The following GCNT2 variants were observed in gnomAD, a reference collection of about 807,000 sequenced individuals.
The protein encoded by GCNT2 is glucosaminyl (N-acetyl) transferase 2 (I blood group).
GCNT2 carries 34 observed loss-of-function variants against 34.2 expected under a neutral mutation model. That is an observed-to-expected ratio of 1.00 (90% CI 0.76 to 1.32). The LOEUF (loss-of-function observed/expected upper bound fraction) is 1.32, where lower values mean the gene tolerates loss of function less well. GCNT2 is among the 40% of genes most tolerant of loss of function. The pLI, the probability that GCNT2 is intolerant of heterozygous loss-of-function variation, is 0.00. For missense variants in GCNT2, 584 were observed against 489.4 expected (o/e 1.19, Z -1.82); for synonymous variants, 212 against 188.0 (o/e 1.13, Z -1.04).
chr6:10,586,248 C>T, intron 3 of GCNT2: 1 of 1,614,202 alleles, frequency 6.2e-7, no homozygotes, highest in East Asian at 2.2e-5. Flanking sequence ...CATCACAAGT[C>T]CCCTGTCGGA....
chr6:10,548,735 G>T (rs1762364920), intron 3 of GCNT2, among the ~76,000 whole-genome samples: 1 of 151,750 alleles, frequency 6.6e-6, no homozygotes, highest in South Asian at 2.1e-4. Context: ...TCTCATTGTT[G>T]CATAGAGAGA....
chr6:10,552,813 G>A (rs1268433249), intron 3 of GCNT2, among the ~76,000 whole-genome samples: 2 of 152,066 alleles, frequency 1.3e-5, no homozygotes, highest in African/African-American at 4.8e-5. Flanking sequence ...ACAAATCTCT[G>A]TATTTTATAA....
intron 3 of GCNT2, chr6:10,581,801 C>T (rs1421381879): frequency 1.0e-6 from 1 of 984,986 alleles, no homozygotes; most frequent in Non-Finnish European, 1.2e-6. Flanking sequence ...CAACTTTCCC[C>T]TTCTGTTCTC....
chr6:10,541,179 C>G (rs916226206), intron 3 of GCNT2, among the ~76,000 whole-genome samples: 1 of 152,082 alleles, frequency 6.6e-6, no homozygotes. Flanking sequence ...GCCAACGCCC[C>G]CCACCAGCCC....
chr6:10,562,137 T>TAAA (rs925264172), intron 3 of GCNT2, among the ~76,000 whole-genome samples: 1 of 152,096 alleles, frequency 6.6e-6, no homozygotes, highest in Non-Finnish European at 1.5e-5. Context: ...GACCCTTTCT[T>TAAA]GCTAGGTCAT....
At chr6:10,602,183 T>C (rs1765118399) in intron 3 of GCNT2, among the ~76,000 whole-genome samples, 1 of 152,196 alleles carries the variant, frequency 6.6e-6, no homozygotes, top group African/African-American at 2.4e-5. Flanking sequence ...TATAATCCTA[T>C]ATACAGAAAA....
intron 3 of GCNT2, among the ~76,000 whole-genome samples, chr6:10,562,984 C>A (rs1248411926): frequency 2.6e-5 from 4 of 152,062 alleles, no homozygotes; most frequent in African/African-American, 7.2e-5. Context: ...CATGGTGAAA[C>A]CCTACCTCTA....
At chr6:10,531,432 T>C (rs1761481955) in intron 3 of GCNT2, among the ~76,000 whole-genome samples, 1 of 152,188 alleles carries the variant, frequency 6.6e-6, no homozygotes, top group Non-Finnish European at 1.5e-5. Context: ...CACATTACGA[T>C]CATCTGGGGC....
At position 10,566,987 on chromosome 6, in the gene GCNT2, ACTT is replaced by A. The variant is rs1302480466; in HGVS notation, c.925+37156_925+37158del. Among the ~76,000 whole-genome samples, 2 of 152,272 alleles carry A rather than the reference ACTT, an allele frequency of 1.3e-5. 1 individual carries two copies. The highest frequency in any genetic ancestry group is 6.8e-3 in the Middle Eastern group (2 of 294). The stretch of plus-strand genomic sequence containing the variant: ...TAACATAGCTCGTCTGCTCAAACGA[ACTT>A]CTTCATCTAGTGCTCATTAGAAGAA... On this transcript the variant is annotated intron_variant, in intron 3 of 4. Transcript: ENST00000495262.
chr6:10,539,730 C>CA (rs1761952336), intron 3 of GCNT2, among the ~76,000 whole-genome samples: 1 of 151,530 alleles, frequency 6.6e-6, no homozygotes, highest in African/African-American at 2.4e-5. Flanking sequence ...GCAACTAAAA[C>CA]AAAAAACAAA....
intron 3 of GCNT2, among the ~76,000 whole-genome samples, chr6:10,559,374 T>C (rs1483895698): frequency 1.3e-5 from 2 of 152,204 alleles, no homozygotes; most frequent in Non-Finnish European, 2.9e-5. Context: ...GAACACCTTT[T>C]TTGCTGTAGG....
intron 3 of GCNT2, among the ~76,000 whole-genome samples, chr6:10,589,091 G>GGT (rs1451404009): frequency 8.3e-6 from 1 of 121,056 alleles, no homozygotes; most frequent in African/African-American, 3.0e-5. Flanking sequence ...TTTGTAGTGT[G>GGT]GTGTGTGTGT....
chr6:10,528,619 G>A lies in GCNT2; in HGVS notation c.-281-12G>A, dbSNP rs1297276316. On this transcript the variant is annotated splice_polypyrimidine_tract_variant and intron_variant, in intron 2 of 4. Coordinates refer to ENST00000495262, the MANE Select transcript of GCNT2 (RefSeq NM_145649.5). ...AATCAGAACCTCTCTGAGGACATCT[G>A]TTTTTGTGTAGACACAGGTTGCAGG... 1.5e-5 allele frequency: 7 copies of A among 468,592 alleles called. No homozygotes were observed. In the Admixed American group the frequency reaches 2.4e-4, roughly 16 times the overall value. The allele number at this position is 468,592 out of a possible 1,614,324, so 29.0% of individuals were successfully genotyped here. A position where few individuals can be genotyped will look rare whatever the true frequency, so the allele number is the denominator to read the frequency against.
At chr6:10,528,168 A>C (rs1034581747) in intron 2 of GCNT2, among the ~76,000 whole-genome samples, 2 of 152,320 alleles carry the variant, frequency 1.3e-5, no homozygotes, top group Admixed American at 6.5e-5. Flanking sequence ...TAAGCTTGCT[A>C]ATTAATGGGC....
intron 3 of GCNT2, among the ~76,000 whole-genome samples, chr6:10,562,560 A>G (rs888901048): frequency 6.6e-6 from 1 of 151,138 alleles, no homozygotes. Flanking sequence ...TCTACAAAAA[A>G]TAAATTATTC....
chr6:10,625,636 A>G lies in GCNT2; in HGVS notation c.1019-781A>G, dbSNP rs1342751493. On this transcript the variant is annotated intron_variant, in intron 4 of 4. Transcript: ENST00000495262. ...AGAGCTCAGGAAAAAGACTTACTCA[A>G]CGCAACCCATAAAGATCTCTCCCAC... Among the ~76,000 whole-genome samples, 8 of 152,296 alleles carry G rather than the reference A, an allele frequency of 5.3e-5. No individual in the cohort carries two copies. In the East Asian group the frequency reaches 1.4e-3, roughly 26 times the overall value.
rs749245325 is a variant in GCNT2 at position 10,626,479 on chromosome 6, C to G, written c.1081C>G (p.Pro361Ala). The G allele has an allele frequency of 1.2e-6, 2 of 1,612,652 alleles. No homozygotes were observed. The highest frequency in any genetic ancestry group is 4.5e-5 in the East Asian group (2 of 44,880). ...NGDLKWLVNSPSLFANKFELN... is the reference protein window; with the variant it reads ...NGDLKWLVNSASLFANKFELN... ...AGACTTAAAGTGGCTGGTTAATTCA[C>G]CAAGCCTGTTTGCTAACAAGTTTGA... Residue 361 changes from proline to alanine, a missense_variant, in exon 5 of 5, where the codon CCA (proline) becomes GCA (alanine). Coordinates refer to ENST00000495262, the MANE Select transcript of GCNT2 (RefSeq NM_145649.5).
At chr6:10,617,377 T>G (rs4563708) in intron 3 of GCNT2, among the ~76,000 whole-genome samples, 89,839 of 151,966 alleles carry the variant, frequency 0.59, 26,571 homozygotes, top group East Asian at 0.65. Context: ...CGCGCAGCCC[T>G]GGTTCCCGCC....
In GCNT2 at chr6:10,529,352, C is replaced by T. The variant is rs1290374118; in HGVS notation, c.441C>T (p.Phe147=). 5.0e-6 allele frequency: 8 copies of T among 1,613,916 alleles called. No homozygotes were observed. The highest frequency in any genetic ancestry group is 1.3e-5 in the African/African-American group (1 of 74,884). Residue 147 remains phenylalanine, a synonymous_variant, in exon 3 of 5, where the codon TTC becomes TTT. Transcript: ENST00000495262. ...CAGTGAAACAGTTACTCAGCTGCTT[C>T]CCAAATGCTTTTCTGGCTTCCAAGA... ...KGAVKQLLSC[F]PNAFLASKKE... is the part of the protein sequence containing the mutation.
Sources: gnomAD v4.1 joint callset for allele counts (sites outside exome capture counted in the v4.1 genomes callset) on GRCh38, gnomAD v4.1.1 for gene constraint, MANE v1.5 for transcripts, NCBI Gene and HGNC (gene_info 2026-07-23, HGNC 2026-07-21) for gene names.